The following RFWD3 variants were observed in gnomAD, a reference collection of about 807,000 sequenced individuals.
RFWD3 encodes E3 ubiquitin-protein ligase RFWD3.
A neutral mutation model predicts 87.7 loss-of-function variants in RFWD3; 65 were observed. That is an observed-to-expected ratio of 0.74 (90% CI 0.61 to 0.91). The LOEUF (loss-of-function observed/expected upper bound fraction) is 0.91. Among genes scored for constraint, RFWD3 ranks in the 40% least tolerant of loss-of-function variants. The probability of loss-of-function intolerance (pLI) is 0.00; values close to 1 mark genes in which losing one functional copy is unlikely to be tolerated. For synonymous variants in RFWD3, 433 were observed against 352.8 expected (o/e 1.23, Z -2.55); for missense variants, 1,078 against 938.5 (o/e 1.15, Z -1.94).
At position 74,630,783 on chromosome 16, in the gene RFWD3, GGCTTTCTGA is replaced by G; in HGVS notation, c.1743_1751del (p.Gln582_Ala584del). On this transcript the variant is annotated inframe_deletion, in exon 10 of 13. Transcript: ENST00000361070. The stretch of plus-strand genomic sequence containing the variant: ...GAAAAGAGTGAGTGGCTCCCTACCT[GGCTTTCTGA>G]GCTACTAACTCCTGCACATGACTGC... 3.1e-6 allele frequency: 5 copies of G among 1,594,516 alleles called. No homozygotes were observed. The highest frequency in any genetic ancestry group is 4.3e-6 in the Non-Finnish European group (5 of 1,171,866).
At chr16:74,650,711 C>T (rs924110207) in intron 3 of RFWD3, among the ~76,000 whole-genome samples, 1 of 151,662 alleles carries the variant, frequency 6.6e-6, no homozygotes, top group Non-Finnish European at 1.5e-5. Flanking sequence ...ATAGGGAGAC[C>T]CCACAGCTAC....
chr16:74,644,079 G>C (rs550193544), intron 6 of RFWD3: 5 of 469,316 alleles, frequency 1.1e-5, no homozygotes, highest in Admixed American at 6.6e-5. Flanking sequence ...CTGCTGTGGC[G>C]GGGGGTGGTC....
Position 74,623,894 on chromosome 16 carries a change from C to G in RFWD3, c.*34G>C. 6.2e-7 allele frequency: 1 copy of G among 1,611,428 alleles called. No individual in the cohort carries two copies. Among genetic ancestry groups the G allele is most frequent in the Non-Finnish European group, 8.5e-7 (1 of 1,178,280 alleles). Reference sequence around the variant, plus strand: ...CTAGGCGCTAGCAAACAACATCTAACCAGCAGCATGCCTTCAAGGTTTCGA... The same window carrying G: ...CTAGGCGCTAGCAAACAACATCTAAGCAGCAGCATGCCTTCAAGGTTTCGA... On this transcript the variant is annotated 3_prime_UTR_variant, in exon 13 of 13. Coordinates refer to ENST00000361070, the MANE Select transcript of RFWD3 (RefSeq NM_018124.4).
chr16:74,628,710 G>C, intron 10 of RFWD3, 44 bp from the exon 11 acceptor site: 1 of 1,587,968 alleles, frequency 6.3e-7, no homozygotes, highest in South Asian at 1.1e-5. Context: ...TCCAAAACTC[G>C]GACGGCTCCA....
intron 3 of RFWD3, among the ~76,000 whole-genome samples, chr16:74,649,675 C>T (rs751019069): frequency 7.9e-5 from 12 of 152,146 alleles, no homozygotes; most frequent in African/African-American, 2.9e-4. Flanking sequence ...ATCCAGGCAT[C>T]CAGTTCATAT....
At chr16:74,630,713 G>A in intron 10 of RFWD3, 68 bp downstream of exon 10, 5 of 1,395,772 alleles carry the variant, frequency 3.6e-6, no homozygotes, top group Non-Finnish European at 3.8e-6. Flanking sequence ...CCACTGAAGA[G>A]ACGATTAACA....
chr16:74,657,189 T>A (rs920404176), intron 2 of RFWD3, among the ~76,000 whole-genome samples: 11 of 152,206 alleles, frequency 7.2e-5, no homozygotes, highest in Non-Finnish European at 1.2e-4. Context: ...ATCCCTCTGG[T>A]GCCTGCCAGG....
chr16:74,649,019 C>G, intron 4 of RFWD3, 113 bp downstream of exon 4: 1 of 561,218 alleles, frequency 1.8e-6, no homozygotes, highest in Non-Finnish European at 2.9e-6. Context: ...GAGTTTGAAA[C>G]TGCAGTGAGT....
intron 2 of RFWD3, among the ~76,000 whole-genome samples, chr16:74,660,303 ATTAG>A (rs1597459062): frequency 6.6e-6 from 1 of 152,276 alleles, no homozygotes; most frequent in East Asian, 1.9e-4. Context: ...GACAGGTTTA[ATTAG>A]TTAGGTGTGG....
At chr16:74,647,606 C>CT (rs923971354) in intron 4 of RFWD3, among the ~76,000 whole-genome samples, 1 of 150,830 alleles carries the variant, frequency 6.6e-6, no homozygotes, top group Non-Finnish European at 1.5e-5. Context: ...TATTACTATT[C>CT]TTTGAGATGA....
At chr16:74,636,780 G>A (rs1335710110) in intron 7 of RFWD3, among the ~76,000 whole-genome samples, 1 of 150,256 alleles carries the variant, frequency 6.7e-6, no homozygotes, top group African/African-American at 2.4e-5. Context: ...GTGGGACCAT[G>A]TTGGCTCACT....
At chr16:74,631,151 G>GC (rs1597413441) in intron 9 of RFWD3, among the ~76,000 whole-genome samples, 194 bp from the exon 10 acceptor site, 2 of 152,090 alleles carry the variant, frequency 1.3e-5, no homozygotes, top group East Asian at 3.8e-4. Flanking sequence ...TGTTTTGGGG[G>GC]CCACAGGTTT....
intron 8 of RFWD3, 86 bp downstream of exon 8, chr16:74,636,260 T>C (rs546917773): frequency 1.3e-5 from 16 of 1,222,994 alleles, no homozygotes; most frequent in East Asian, 2.3e-5. Context: ...TTGGTAACCT[T>C]TGAGTCTTGA....
chr16:74,641,291 T>C (rs1196097693), intron 6 of RFWD3, among the ~76,000 whole-genome samples: 1 of 151,864 alleles, frequency 6.6e-6, no homozygotes, highest in Non-Finnish European at 1.5e-5. Flanking sequence ...GTCTCCCGAG[T>C]AGCTGGGACT....
intron 6 of RFWD3, 29 bp downstream of exon 6, chr16:74,644,333 T>C (rs1242911182): frequency 4.4e-6 from 7 of 1,607,692 alleles, no homozygotes; most frequent in Middle Eastern, 3.7e-4. Context: ...AAAGGGAACA[T>C]TCCAGCCAGG....
intron 6 of RFWD3, among the ~76,000 whole-genome samples, chr16:74,639,009 T>C (rs973160510): frequency 6.7e-6 from 1 of 149,944 alleles, no homozygotes; most frequent in Non-Finnish European, 1.5e-5. Context: ...TATCTAAACA[T>C]AGAAAAGGTA....
At chr16:74,666,209 G>C (rs1043813078) in intron 1 of RFWD3, 13 of 150,850 alleles carry the variant, frequency 8.6e-5, no homozygotes, top group Admixed American at 4.6e-4. Flanking sequence ...TAGATAGATA[G>C]ATAGATAGAT....
intron 2 of RFWD3, among the ~76,000 whole-genome samples, chr16:74,657,743 C>T (rs1961111037): frequency 3.9e-5 from 6 of 151,998 alleles, no homozygotes; most frequent in Admixed American, 3.9e-4. Context: ...CAAAATGCTG[C>T]GATTACAGGT....
chr16:74,636,094 C>T (rs76020499), intron 8 of RFWD3, among the ~76,000 whole-genome samples: 2,774 of 152,308 alleles, frequency 0.018, 37 homozygotes, highest in Non-Finnish European at 0.028. Context: ...CAGTAACCTA[C>T]ACTTCCAAGG....
Sources: gnomAD v4.1 joint callset for allele counts (sites outside exome capture counted in the v4.1 genomes callset) on GRCh38, gnomAD v4.1.1 for gene constraint, MANE v1.5 for transcripts, NCBI Gene and HGNC (gene_info 2026-07-23, HGNC 2026-07-21) for gene names.